Variants in RBFOX1 observed in about 807,000 individuals in gnomAD.
The protein encoded by RBFOX1 is RNA binding fox-1 homolog 1.
In RBFOX1, 8 loss-of-function variants were observed where a neutral mutation model predicts 57.7. The observed-to-expected ratio is 0.14, with a 90% CI of 0.08 to 0.25. The LOEUF (loss-of-function observed/expected upper bound fraction) is 0.25, where lower values mean the gene tolerates loss of function less well. Ranked by LOEUF, RBFOX1 falls within the 10% of genes least tolerant of loss-of-function variation. RBFOX1 has a pLI of 1.00. For synonymous variants in RBFOX1, 326 were observed against 222.4 expected (o/e 1.47, Z -4.15); for missense variants, 611 against 548.5 (o/e 1.11, Z -1.14).
chr16:6,691,616 C>T (rs1473224677), intron 3 of RBFOX1, among the ~76,000 whole-genome samples: 1 of 152,122 alleles, frequency 6.6e-6, no homozygotes, highest in Admixed American at 6.6e-5. Flanking sequence ...ATGTGTGCCT[C>T]CACTGTTTAA....
At chr16:6,448,018 TAG>T (rs1052316824) in intron 2 of RBFOX1, among the ~76,000 whole-genome samples, 4 of 152,144 alleles carry the variant, frequency 2.6e-5, no homozygotes, top group Non-Finnish European at 5.9e-5. Context: ...GCATGGTAGT[TAG>T]AGTGTTGAGT....
chr16:7,031,836 C>T (rs1003819540), intron 3 of RBFOX1, among the ~76,000 whole-genome samples: 1 of 152,146 alleles, frequency 6.6e-6, no homozygotes, highest in Non-Finnish European at 1.5e-5. Flanking sequence ...CAACGTGGTC[C>T]TTGCTGGCCT....
chr16:5,436,062 G>A (rs1419283995), intron 1 of RBFOX1, among the ~76,000 whole-genome samples: 3 of 152,184 alleles, frequency 2.0e-5, no homozygotes, highest in Admixed American at 6.5e-5. Context: ...AAACAAGCCC[G>A]TCTTCATATT....
chr16:7,055,331 C>G (rs1212698399), intron 4 of RBFOX1, among the ~76,000 whole-genome samples: 1 of 152,018 alleles, frequency 6.6e-6, no homozygotes, highest in African/African-American at 2.4e-5. Context: ...TATAGACAAG[C>G]TAAGAGTTAT....
intron 1 of RBFOX1, chr16:6,092,787 T>G (rs1306558762): frequency 6.6e-6 from 1 of 152,278 alleles, no homozygotes; most frequent in Non-Finnish European, 1.5e-5. Context: ...CTGTTTTGGT[T>G]ACTGTAGCCT....
intron 4 of RBFOX1, among the ~76,000 whole-genome samples, chr16:7,055,824 G>C (rs1258347613): frequency 6.6e-6 from 1 of 152,012 alleles, no homozygotes; most frequent in Non-Finnish European, 1.5e-5. Flanking sequence ...AATTCACAGG[G>C]GTCCACTCTG....
chr16:7,487,763 T>A (rs1485368570), intron 4 of RBFOX1, among the ~76,000 whole-genome samples: 1 of 152,166 alleles, frequency 6.6e-6, no homozygotes, highest in East Asian at 1.9e-4. Flanking sequence ...AAGTGCCTCC[T>A]CATTCAGCAC....
intron 3 of RBFOX1, among the ~76,000 whole-genome samples, chr16:6,661,223 C>G (rs1378259904): frequency 1.3e-5 from 2 of 152,142 alleles, no homozygotes; most frequent in Non-Finnish European, 1.5e-5. Flanking sequence ...TTTCAAGAGA[C>G]TTACAAGACT....
intron 1 of RBFOX1, among the ~76,000 whole-genome samples, chr16:5,398,558 G>A (rs1303887816): frequency 6.6e-6 from 1 of 151,174 alleles, no homozygotes; most frequent in African/African-American, 2.5e-5. Context: ...GTTCGTGTGT[G>A]CATCTGTACG....
chr16:5,723,283 C>G (rs979015437), intron 3 of RBFOX1, among the ~76,000 whole-genome samples: 2 of 152,220 alleles, frequency 1.3e-5, no homozygotes, highest in African/African-American at 4.8e-5. Flanking sequence ...TCCATTTTCT[C>G]ATTCGTCTGC....
chr16:5,845,167 G>A (rs929104116), intron 3 of RBFOX1, among the ~76,000 whole-genome samples: 3 of 151,970 alleles, frequency 2.0e-5, no homozygotes, highest in African/African-American at 7.2e-5. Flanking sequence ...AGGGTAACAG[G>A]AGATGTAGGA....
chr16:7,250,028 T>C (rs1180339054), intron 4 of RBFOX1, among the ~76,000 whole-genome samples: 1 of 152,222 alleles, frequency 6.6e-6, no homozygotes, highest in Non-Finnish European at 1.5e-5. Context: ...AGAACCTATT[T>C]GTTTTGCACG....
intron 1 of RBFOX1, among the ~76,000 whole-genome samples, chr16:5,305,449 C>T (rs1282734090): frequency 6.6e-6 from 1 of 152,078 alleles, no homozygotes; most frequent in African/African-American, 2.4e-5. Flanking sequence ...GGGCTGTTTT[C>T]ATCTCATCTC....
At chr16:7,382,392 A>C (rs181241154) in intron 4 of RBFOX1, among the ~76,000 whole-genome samples, 2 of 152,222 alleles carry the variant, frequency 1.3e-5, no homozygotes, top group Non-Finnish European at 2.9e-5. Flanking sequence ...TATTTTTCAT[A>C]TCTTTTCTAG....
At chr16:6,129,198 T>C (rs1472546260) in intron 1 of RBFOX1, among the ~76,000 whole-genome samples, 1 of 152,196 alleles carries the variant, frequency 6.6e-6, no homozygotes, top group Non-Finnish European at 1.5e-5. Context: ...CAGACCCTGA[T>C]GTGTCATGGA....
intron 5 of RBFOX1, among the ~76,000 whole-genome samples, chr16:7,550,420 C>G (rs74010599): frequency 6.6e-6 from 1 of 152,000 alleles, no homozygotes; most frequent in East Asian, 1.9e-4. Context: ...TCTGAGAGCC[C>G]GTGGAATGTT....
At chr16:6,704,737 A>G (rs1417931096) in intron 3 of RBFOX1, 2 of 152,206 alleles carry the variant, frequency 1.3e-5, no homozygotes, top group Non-Finnish European at 2.9e-5. Flanking sequence ...ATGGAGGGAT[A>G]AATCATTTCT....
intron 3 of RBFOX1, among the ~76,000 whole-genome samples, chr16:6,657,148 CTCTCCTCTTT>C (rs1442113835): frequency 2.7e-5 from 4 of 149,184 alleles, no homozygotes; most frequent in East Asian, 2.0e-4. Flanking sequence ...CTCTCCTCTT[CTCTCCTCTTT>C]TCCTCCTTCC....
intron 1 of RBFOX1, among the ~76,000 whole-genome samples, chr16:6,300,514 C>G (rs2078689267): frequency 6.6e-6 from 1 of 152,184 alleles, no homozygotes; most frequent in South Asian, 2.1e-4. Context: ...ATTAGCGAGA[C>G]TTGCACCTGT....
Sources: allele counts gnomAD v4.1 joint callset (sites outside exome capture counted in the v4.1 genomes callset), GRCh38; gene constraint gnomAD v4.1.1; transcripts MANE v1.5; gene names NCBI Gene and HGNC (gene_info 2026-07-23, HGNC 2026-07-21).